The following UGT1A8 variants were observed in gnomAD, a reference collection of about 807,000 sequenced individuals.
UGT1A8 encodes UDP glucuronosyltransferase family 1 member A8.
A neutral mutation model predicts 45.3 loss-of-function variants in UGT1A8; 39 were observed. The observed-to-expected ratio is 0.86, with a 90% CI of 0.67 to 1.12. The LOEUF is 1.12. UGT1A8 is among the 50% of genes most tolerant of loss of function. UGT1A8 has a pLI of 0.00. For missense variants in UGT1A8, 719 were observed against 664.9 expected, an observed-to-expected ratio of 1.08 and a Z score of -0.90; for synonymous variants, 275 against 249.2, an observed-to-expected ratio of 1.10 and a Z score of -0.97.
At chr2:233,682,035 T>C (rs776447036) in intron 1 of UGT1A8, 2 of 1,614,106 alleles carry the variant, frequency 1.2e-6, no homozygotes, top group South Asian at 2.2e-5. Context: ...GTAGTGCCCA[T>C]GGATGGGAGC....
intron 1 of UGT1A8, among the ~76,000 whole-genome samples, chr2:233,635,356 A>G (rs1381534633): frequency 6.6e-6 from 1 of 150,720 alleles, no homozygotes; most frequent in Non-Finnish European, 1.5e-5. Context: ...CTGTCTTGCT[A>G]GGCTGGGGAA....
At chr2:233,641,474 AGTT>A (rs952566267) in intron 1 of UGT1A8, among the ~76,000 whole-genome samples, 2 of 152,304 alleles carry the variant, frequency 1.3e-5, no homozygotes, top group Admixed American at 6.5e-5. Context: ...TATCTTAAAA[AGTT>A]GTTTAGTTAT....
At chr2:233,752,890 C>A (rs537828663) in intron 1 of UGT1A8, among the ~76,000 whole-genome samples, 13 of 152,204 alleles carry the variant, frequency 8.5e-5, no homozygotes, top group Admixed American at 7.2e-4. Context: ...AACTAGCCAG[C>A]GTTGTTACAG....
chr2:233,682,105 C>T (rs7577789), intron 1 of UGT1A8: 7 of 1,614,078 alleles, frequency 4.3e-6, no homozygotes, highest in South Asian at 3.3e-5. Flanking sequence ...ATGAGGTGGT[C>T]GTAGTCATGC....
chr2:233,708,371 A>C (rs1463457265), intron 1 of UGT1A8: 1 of 152,140 alleles, frequency 6.6e-6, no homozygotes, highest in Non-Finnish European at 1.5e-5. Context: ...CTTCATTTAA[A>C]CGTCTTTTGT....
rs375377256 is a variant in UGT1A8 at position 233,636,477 on chromosome 2, A to G, written c.855+17915A>G. Reference sequence around the variant, plus strand: ...CTGTACTTCTTCCGCCTACTGTATCATAGCAGCTTAGAATCCCAGCTGCTG... The same window carrying G: ...CTGTACTTCTTCCGCCTACTGTATCGTAGCAGCTTAGAATCCCAGCTGCTG... On this transcript the variant is annotated intron_variant, in intron 1 of 4. Transcript: ENST00000373450. The G allele has an allele frequency of 4.1e-5, 65 of 1,583,352 alleles. No homozygotes were observed. In the Admixed American group the frequency reaches 4.5e-4, roughly 11 times the overall value.
rs1409384005 is a variant in UGT1A8 at position 233,735,868 on chromosome 2, C to T, written c.856-31166C>T. ...TCTCTTCTGTCTTGTAGGGTTTCTG[C>T]AGAGAGATCTGCTGTTAGTCTGATG... On this transcript the variant is annotated intron_variant, in intron 1 of 4. Transcript: ENST00000373450. Among the ~76,000 whole-genome samples, 5 of 152,262 alleles carry T rather than the reference C, an allele frequency of 3.3e-5. No homozygotes were observed. The East Asian group carries it at 7.7e-4, about 23-fold the overall frequency.
At chr2:233,715,057 T>G (rs1032772184) in intron 1 of UGT1A8, among the ~76,000 whole-genome samples, 3 of 152,140 alleles carry the variant, frequency 2.0e-5, no homozygotes, top group African/African-American at 2.4e-5. Context: ...TCTTTTTTTT[T>G]GTATTTTTTA....
intron 4 of UGT1A8, among the ~76,000 whole-genome samples, chr2:233,768,726 G>T (rs929247208): frequency 2.6e-5 from 4 of 151,498 alleles, no homozygotes; most frequent in Non-Finnish European, 5.9e-5. Flanking sequence ...GGGATTACAG[G>T]TGTCCACCAC....
Position 233,618,098 on chromosome 2 carries a change from C to G in UGT1A8, c.391C>G (p.Arg131Gly), listed in dbSNP as rs755504518. The G allele has an allele frequency of 3.1e-6, 5 of 1,613,766 alleles. No individual in the cohort carries two copies. The highest frequency in any genetic ancestry group is 3.4e-6 in the Non-Finnish European group (4 of 1,179,976). ...FSHCRSLFND[R>G]KLVEYLKESS... ...GCATTGCAGGAGTTTGTTTAATGAC[C>G]GAAAATTAGTAGAATACTTAAAGGA... The change falls in exon 1 of 5, where the codon CGA (arginine) becomes GGA (glycine). Residue 131 changes from arginine (R) to glycine (G), a missense_variant. Physicochemically the swap from Arg to Gly is moderately radical, Grantham distance 125 (BLOSUM62 -2). Transcript: ENST00000373450.
At chr2:233,624,853 T>C (rs1266377750) in intron 1 of UGT1A8, among the ~76,000 whole-genome samples, 1 of 152,150 alleles carries the variant, frequency 6.6e-6, no homozygotes, top group African/African-American at 2.4e-5. Flanking sequence ...CAGTCTTTCA[T>C]AATTTTTGTC....
intron 1 of UGT1A8, among the ~76,000 whole-genome samples, chr2:233,641,648 C>G (rs934664193): frequency 6.6e-6 from 1 of 152,156 alleles, no homozygotes; most frequent in African/African-American, 2.4e-5. Flanking sequence ...GCTTCCTTTT[C>G]TTTCTGATTG....
At position 233,682,693 on chromosome 2, in the gene UGT1A8, G is replaced by A. The variant is rs17864686; in HGVS notation, c.855+64131G>A. The A allele has an allele frequency of 0.21, 340,870 of 1,613,738 alleles. 37,223 individuals are homozygous for A. Among genetic ancestry groups the A allele is most frequent in the Non-Finnish European group, 0.23 (267,951 of 1,179,798 alleles). Reference sequence around the variant, plus strand: ...TCTACAGCCACACATCAATTTGGTTGTTGCGAACTGACTTTGTTTTGGAGT... The same window carrying A: ...TCTACAGCCACACATCAATTTGGTTATTGCGAACTGACTTTGTTTTGGAGT... On this transcript the variant is annotated intron_variant, in intron 1 of 4. Transcript: ENST00000373450.
At chr2:233,674,238 A>G (rs1173538575) in intron 1 of UGT1A8, among the ~76,000 whole-genome samples, 1 of 152,166 alleles carries the variant, frequency 6.6e-6, no homozygotes, top group Non-Finnish European at 1.5e-5. Context: ...AAGTGAAATA[A>G]TGCTCTTTCT....
Position 233,689,112 on chromosome 2 carries a change from A to G in UGT1A8, c.855+70550A>G, listed in dbSNP as rs1053496103. 3.3e-5 allele frequency among the ~76,000 whole-genome samples: 5 copies of G among 152,200 alleles called. No homozygotes were observed. The South Asian group carries it at 8.3e-4, about 25-fold the overall frequency. On this transcript the variant is annotated intron_variant, in intron 1 of 4. Coordinates refer to ENST00000373450, the MANE Select transcript of UGT1A8 (RefSeq NM_019076.5). ...TGTGCCCCTCCCCACTGCTCCTGGA[A>G]CCACAACCCACATTGTTACAAGCCC... is the stretch of plus-strand genomic sequence containing the variant.
intron 1 of UGT1A8, among the ~76,000 whole-genome samples, chr2:233,701,083 T>C (rs896645413): frequency 6.6e-6 from 1 of 152,162 alleles, no homozygotes; most frequent in Non-Finnish European, 1.5e-5. Context: ...TATTCCATGG[T>C]GTATATGTGC....
At chr2:233,647,261 A>G (rs2073629856) in intron 1 of UGT1A8, among the ~76,000 whole-genome samples, 1 of 152,238 alleles carries the variant, frequency 6.6e-6, no homozygotes, top group African/African-American at 2.4e-5. Flanking sequence ...GTGGGGACAC[A>G]GCCAAACCAT....
chr2:233,656,768 G>A (rs2073862579), intron 1 of UGT1A8, among the ~76,000 whole-genome samples: 1 of 152,100 alleles, frequency 6.6e-6, no homozygotes, highest in African/African-American at 2.4e-5. Flanking sequence ...AGGTTTCTTT[G>A]GGGTCCCGCT....
At chr2:233,626,128 T>C (rs1264069164) in intron 1 of UGT1A8, among the ~76,000 whole-genome samples, 1 of 151,960 alleles carries the variant, frequency 6.6e-6, no homozygotes, top group Non-Finnish European at 1.5e-5. Flanking sequence ...TGGAAATACA[T>C]CATAATTACT....
Sources: gnomAD v4.1 joint callset for allele counts (sites outside exome capture counted in the v4.1 genomes callset) on GRCh38, gnomAD v4.1.1 for gene constraint, MANE v1.5 for transcripts, NCBI Gene and HGNC (gene_info 2026-07-23, HGNC 2026-07-21) for gene names.